Variants in CTNNA3 observed in about 807,000 individuals in gnomAD.
CTNNA3 encodes catenin alpha 3, also known as catenin alpha-3.
Under a neutral mutation model 95.7 loss-of-function variants are expected in CTNNA3, and 76 were observed. That is an observed-to-expected ratio of 0.79 (90% CI 0.66 to 0.96). The LOEUF is 0.96. Ranked by LOEUF, CTNNA3 falls within the 40% of genes least tolerant of loss-of-function variation. The probability of loss-of-function intolerance (pLI) is 0.00; values close to 1 mark genes in which losing one functional copy is unlikely to be tolerated. For missense variants in CTNNA3, 1,191 were observed against 1,089.8 expected, an observed-to-expected ratio of 1.09 and a Z score of -1.31; for synonymous variants, 431 against 374.4, an observed-to-expected ratio of 1.15 and a Z score of -1.74.
intron 10 of CTNNA3, among the ~76,000 whole-genome samples, chr10:66,548,676 A>G (rs1326988878): frequency 2.0e-5 from 3 of 151,958 alleles, no homozygotes; most frequent in Admixed American, 2.0e-4. Context: ...CCAATATTTT[A>G]GTATTTTGTA....
At chr10:67,536,711 C>T (rs1840497086) in intron 4 of CTNNA3, among the ~76,000 whole-genome samples, 1 of 152,154 alleles carries the variant, frequency 6.6e-6, no homozygotes, top group African/African-American at 2.4e-5. Context: ...CAGGCTTCTT[C>T]ATGGCAATAT....
chr10:67,087,505 C>T (rs1312662720), intron 7 of CTNNA3, among the ~76,000 whole-genome samples: 1 of 151,358 alleles, frequency 6.6e-6, no homozygotes, highest in East Asian at 1.9e-4. Flanking sequence ...ACAATTCATA[C>T]CTTCTCTAAT....
chr10:66,860,924 G>A (rs1843896028), intron 7 of CTNNA3, among the ~76,000 whole-genome samples: 1 of 152,082 alleles, frequency 6.6e-6, no homozygotes, highest in South Asian at 2.1e-4. Flanking sequence ...CATAGCCCAG[G>A]GAAGAACTCA....
intron 5 of CTNNA3, among the ~76,000 whole-genome samples, chr10:67,434,882 C>G (rs1298017113): frequency 6.6e-6 from 1 of 151,942 alleles, no homozygotes; most frequent in Non-Finnish European, 1.5e-5. Context: ...TGTTTCATAT[C>G]TAAACCCACA....
intron 3 of CTNNA3, among the ~76,000 whole-genome samples, chr10:67,582,582 A>T (rs1215943618): frequency 2.0e-5 from 3 of 152,104 alleles, no homozygotes; most frequent in Admixed American, 6.6e-5. Context: ...GGTCCACTTG[A>T]TGCAGAGCTG....
intron 13 of CTNNA3, among the ~76,000 whole-genome samples, chr10:66,264,371 T>G (rs552919120): frequency 1.3e-5 from 2 of 152,136 alleles, no homozygotes; most frequent in Admixed American, 6.6e-5. Context: ...AAAATATGTT[T>G]TGAATTTGTT....
chr10:66,524,938 A>G (rs1032194947), intron 10 of CTNNA3, among the ~76,000 whole-genome samples: 1 of 152,078 alleles, frequency 6.6e-6, no homozygotes, highest in Admixed American at 6.6e-5. Flanking sequence ...AATCCCAGCT[A>G]CTTGGGAGGC....
chr10:67,179,854 AC>A (rs751017392), intron 7 of CTNNA3, among the ~76,000 whole-genome samples: 26 of 152,120 alleles, frequency 1.7e-4, no homozygotes, highest in Non-Finnish European at 3.1e-4. Flanking sequence ...CAACAAAAAA[AC>A]ATAACAACCT....
At chr10:67,261,102 G>A (rs906781332) in intron 5 of CTNNA3, among the ~76,000 whole-genome samples, 3 of 152,152 alleles carry the variant, frequency 2.0e-5, no homozygotes, top group African/African-American at 7.2e-5. Flanking sequence ...CTTGGGGACT[G>A]GTTTTTAATA....
At chr10:66,432,098 G>A (rs969169147) in intron 11 of CTNNA3, among the ~76,000 whole-genome samples, 1 of 151,872 alleles carries the variant, frequency 6.6e-6, no homozygotes, top group East Asian at 1.9e-4. Context: ...TCTGGATATT[G>A]AGAAATACTT....
intron 7 of CTNNA3, among the ~76,000 whole-genome samples, chr10:67,035,825 G>A (rs111264037): frequency 2.6e-4 from 39 of 151,952 alleles, no homozygotes; most frequent in African/African-American, 6.8e-4. Flanking sequence ...TGAAGCATGC[G>A]TCTGCATTTT....
rs554181372 is a variant in CTNNA3, at chr10:66,095,372, A to C, written c.1977+7785T>G. Among the ~76,000 whole-genome samples, 5 of 152,186 alleles carry C rather than the reference A, an allele frequency of 3.3e-5. No homozygotes were observed. The East Asian group carries it at 5.8e-4, about 18-fold the overall frequency. On this transcript the variant is annotated intron_variant, in intron 14 of 17. Transcript: ENST00000433211. ...AAATGATAGTAACCAATGATGAGAA[A>C]ATGTATTGCCTGCTGTGTTGCTGCT...
chr10:67,131,020 A>G (rs1859973730), intron 7 of CTNNA3, among the ~76,000 whole-genome samples: 1 of 152,154 alleles, frequency 6.6e-6, no homozygotes, highest in Non-Finnish European at 1.5e-5. Context: ...AAAAAATTAA[A>G]GAAACTTGGC....
intron 1 of CTNNA3, among the ~76,000 whole-genome samples, chr10:67,745,150 C>T (rs1841366975): frequency 6.6e-6 from 1 of 152,116 alleles, no homozygotes; most frequent in Non-Finnish European, 1.5e-5. Context: ...CCAGCCATCC[C>T]ATTACTGGGT....
chr10:66,229,727 AT>A (rs78558138), intron 13 of CTNNA3, among the ~76,000 whole-genome samples: 17,512 of 151,852 alleles, frequency 0.12, 1,081 homozygotes, highest in Middle Eastern at 0.18. Context: ...TTTATTTGTA[AT>A]TTTTTTAGCT....
intron 7 of CTNNA3, among the ~76,000 whole-genome samples, chr10:66,829,940 C>G (rs774268779): frequency 2.6e-5 from 4 of 151,698 alleles, no homozygotes; most frequent in Middle Eastern, 6.8e-3. Context: ...ATCTCGGCTC[C>G]CTGCAAGCTC....
intron 11 of CTNNA3, among the ~76,000 whole-genome samples, chr10:66,438,926 G>T (rs912943661): frequency 6.6e-6 from 1 of 152,128 alleles, no homozygotes; most frequent in Non-Finnish European, 1.5e-5. Flanking sequence ...GTCCCTCATG[G>T]CTTCCCTTGG....
Position 66,725,098 on chromosome 10 carries a change from A to G in CTNNA3, c.1281+41166T>C, listed in dbSNP as rs1290295584. 2.0e-5 allele frequency among the ~76,000 whole-genome samples: 3 copies of G among 152,274 alleles called. No individual in the cohort carries two copies. In the East Asian group the frequency reaches 5.8e-4, roughly 29 times the overall value. On this transcript the variant is annotated intron_variant, in intron 9 of 17. Transcript: ENST00000433211. ...ACTCAATGTATGTGTTATGCAAAATAGTTGTTATTGTACTCTGCATTGTAT... is the reference window on the plus strand; with the variant it reads ...ACTCAATGTATGTGTTATGCAAAATGGTTGTTATTGTACTCTGCATTGTAT...
chr10:67,156,998 C>A (rs1861339956), intron 7 of CTNNA3, among the ~76,000 whole-genome samples: 2 of 152,090 alleles, frequency 1.3e-5, no homozygotes, highest in African/African-American at 4.8e-5. Context: ...GTTGCTGTAT[C>A]TTCCTAATGA....
Sources: allele counts gnomAD v4.1 joint callset (sites outside exome capture counted in the v4.1 genomes callset), GRCh38; gene constraint gnomAD v4.1.1; transcripts MANE v1.5; gene names NCBI Gene and HGNC (gene_info 2026-07-23, HGNC 2026-07-21).